The following ZFHX3 variants were observed in gnomAD, a reference collection of about 807,000 sequenced individuals.
ZFHX3 encodes the protein zinc finger homeobox protein 3.
A neutral mutation model predicts 279.1 loss-of-function variants in ZFHX3; 42 were observed. That is an observed-to-expected ratio of 0.15 (90% CI 0.12 to 0.19). The LOEUF is 0.19. Ranked by LOEUF, ZFHX3 falls within the 10% of genes least tolerant of loss-of-function variation. ZFHX3 has a pLI of 1.00. For synonymous variants in ZFHX3, 2,293 were observed against 1,957.8 expected (o/e 1.17, Z -4.52); for missense variants, 4,981 against 4,754.0 (o/e 1.05, Z -1.40).
At chr16:72,951,149 G>A (rs901028243) in intron 2 of ZFHX3, among the ~76,000 whole-genome samples, 184 bp from the exon 3 acceptor site, 4 of 152,096 alleles carry the variant, frequency 2.6e-5, no homozygotes, top group African/African-American at 9.7e-5. Flanking sequence ...AACCTGATGT[G>A]TTTCAATCTT....
Position 73,798,451 on chromosome 16 carries a change from G to A in ZFHX3, c.-1608+93200C>T, listed in dbSNP as rs142141889. 9.9e-5 allele frequency among the ~76,000 whole-genome samples: 15 copies of A among 152,022 alleles called. 1 individual carries two copies. Among genetic ancestry groups the A allele is most frequent in the Admixed American group, 3.9e-4 (6 of 15,244 alleles). On this transcript the variant is annotated intron_variant, in intron 1 of 17. Transcript: ENST00000641206. ...GGTGCATGTGAGGAAAAAAGGAAAA[G>A]GAGAGAGGAGAGATACCCCCCAAAA... is the stretch of plus-strand genomic sequence containing the variant.
intron 3 of ZFHX3, among the ~76,000 whole-genome samples, chr16:72,891,581 G>A (rs1227009888): frequency 6.6e-6 from 1 of 152,158 alleles, no homozygotes; most frequent in Non-Finnish European, 1.5e-5. Context: ...GGGTACACAT[G>A]AAGCAAGGGA....
intron 3 of ZFHX3, among the ~76,000 whole-genome samples, chr16:73,402,706 C>G (rs905724801): frequency 3.3e-5 from 5 of 152,112 alleles, no homozygotes; most frequent in African/African-American, 1.2e-4. Context: ...TGTTTTAATA[C>G]CTTTTTTAAA....
rs547618913 is a variant in ZFHX3 at position 72,907,545 on chromosome 16, TTGTGTGTGTGTGTGTGTGTG to T, written c.3217-17603_3217-17584del. Among the ~76,000 whole-genome samples, 909 of 120,468 alleles carry T rather than the reference TTGTGTGTGTGTGTGTGTGTG, an allele frequency of 7.5e-3. 15 individuals carry two copies. Among genetic ancestry groups the T allele is most frequent in the African/African-American group, 0.026 (815 of 31,294 alleles). The allele number at this position is 120,468 out of a possible 152,430, so 79.0% of individuals were successfully genotyped here. A position where few individuals can be genotyped will look rare whatever the true frequency, so the allele number is the denominator to read the frequency against. ...CTCGGTTTCCAAAGGTTTCCTCTAT[TTGTGTGTGTGTGTGTGTGTG>T]TGTGTGTGTGTGTGTGTGTGTGTGT... On this transcript the variant is annotated intron_variant, in intron 3 of 9. Transcript: ENST00000268489.
chr16:73,352,983 G>T (rs1403526874), intron 3 of ZFHX3, among the ~76,000 whole-genome samples: 1 of 152,158 alleles, frequency 6.6e-6, no homozygotes, highest in Non-Finnish European at 1.5e-5. Flanking sequence ...GTAGAGAGTT[G>T]CTGATGAGGA....
chr16:73,811,018 T>C (rs926618562), intron 1 of ZFHX3, among the ~76,000 whole-genome samples: 1 of 152,048 alleles, frequency 6.6e-6, no homozygotes, highest in Non-Finnish European at 1.5e-5. Flanking sequence ...AGGCCTGAGA[T>C]TAAAAACAAT....
At chr16:73,310,139 C>A (rs2015291821) in intron 4 of ZFHX3, among the ~76,000 whole-genome samples, 1 of 151,874 alleles carries the variant, frequency 6.6e-6, no homozygotes, top group Admixed American at 6.6e-5. Context: ...GAACACCTGA[C>A]CTTGTGATCT....
At chr16:73,108,752 T>C (rs1385713897) in intron 7 of ZFHX3, among the ~76,000 whole-genome samples, 1 of 152,222 alleles carries the variant, frequency 6.6e-6, no homozygotes, top group Non-Finnish European at 1.5e-5. Context: ...AGGTTTCTAA[T>C]CACTCCCATG....
At chr16:73,625,536 TA>T (rs2052407041) in intron 2 of ZFHX3, among the ~76,000 whole-genome samples, 1 of 152,254 alleles carries the variant, frequency 6.6e-6, no homozygotes, top group African/African-American at 2.4e-5. Flanking sequence ...ACCTAGAGTG[TA>T]ATACTCGTGT....
intron 5 of ZFHX3, among the ~76,000 whole-genome samples, chr16:73,193,158 T>C (rs540448929): frequency 3.9e-5 from 6 of 152,256 alleles, no homozygotes; most frequent in Middle Eastern, 3.4e-3. Context: ...CCAAGTGATA[T>C]TGGTGGATGA....
intron 2 of ZFHX3, among the ~76,000 whole-genome samples, chr16:73,526,145 G>A (rs1264225278): frequency 2.6e-5 from 4 of 152,250 alleles, no homozygotes; most frequent in Non-Finnish European, 5.9e-5. Context: ...AGCGTGGCCA[G>A]TCCAGGGCAG....
chr16:73,340,309 G>A (rs868446288), intron 3 of ZFHX3, among the ~76,000 whole-genome samples: 4 of 152,304 alleles, frequency 2.6e-5, no homozygotes, highest in African/African-American at 7.2e-5. Context: ...TGAAAATTTA[G>A]GACATAATAA....
upstream of ZFHX3, chr16:73,060,588 A>AT (rs1176774159): frequency 7.2e-6 from 1 of 139,498 alleles, no homozygotes; most frequent in Non-Finnish European, 1.5e-5. Context: ...ACTGCAATAG[A>AT]TTTTTTAAAA....
At chr16:73,748,866 C>A (rs568103875) in intron 1 of ZFHX3, among the ~76,000 whole-genome samples, 1 of 152,298 alleles carries the variant, frequency 6.6e-6, no homozygotes, top group East Asian at 1.9e-4. Flanking sequence ...TCGCTCACTG[C>A]AACCTCCGCC....
At chr16:73,681,427 T>C (rs990967623) in intron 1 of ZFHX3, among the ~76,000 whole-genome samples, 2 of 152,332 alleles carry the variant, frequency 1.3e-5, no homozygotes, top group Middle Eastern at 3.4e-3. Flanking sequence ...ATTAAAATTA[T>C]AGTTATCGGA....
chr16:73,594,757 G>A (rs1004619136), intron 2 of ZFHX3, among the ~76,000 whole-genome samples: 2 of 152,212 alleles, frequency 1.3e-5, no homozygotes, highest in African/African-American at 4.8e-5. Context: ...TTATCGTGTA[G>A]TTCCAAATAT....
At chr16:73,414,464 C>T (rs993243974) in intron 3 of ZFHX3, among the ~76,000 whole-genome samples, 1 of 152,272 alleles carries the variant, frequency 6.6e-6, no homozygotes, top group East Asian at 1.9e-4. Context: ...ATTGGCCACT[C>T]GTTCTCCTAC....
chr16:73,492,054 T>C (rs937885331), intron 2 of ZFHX3, among the ~76,000 whole-genome samples: 2 of 152,240 alleles, frequency 1.3e-5, no homozygotes, highest in Non-Finnish European at 2.9e-5. Context: ...TTCCAAAATC[T>C]GTATATCCAA....
chr16:73,559,578 C>T (rs73602944), intron 2 of ZFHX3, among the ~76,000 whole-genome samples: 4,764 of 152,262 alleles, frequency 0.031, 222 homozygotes, highest in African/African-American at 0.11. Flanking sequence ...ATCCCTCTCT[C>T]GGGTCCGGTT....
Sources: gnomAD v4.1 joint callset for allele counts (sites outside exome capture counted in the v4.1 genomes callset) on GRCh38, gnomAD v4.1.1 for gene constraint, MANE v1.5 for transcripts, NCBI Gene and HGNC (gene_info 2026-07-23, HGNC 2026-07-21) for gene names.